DHX16: variants seen among roughly 807,000 people sequenced by gnomAD.
DHX16 encodes the protein pre-mRNA-splicing factor ATP-dependent RNA helicase DHX16.
A neutral mutation model predicts 131.2 loss-of-function variants in DHX16; 81 were observed. The ratio of observed to expected loss-of-function variants is 0.62; its 90% confidence interval spans 0.52 to 0.74. The LOEUF is 0.74. Ranked by LOEUF, DHX16 falls within the 30% of genes least tolerant of loss-of-function variation. The pLI is 0.00. For synonymous variants in DHX16, 440 were observed against 520.2 expected, an observed-to-expected ratio of 0.85 and a Z score of 2.10; for missense variants, 980 against 1,363.1, an observed-to-expected ratio of 0.72 and a Z score of 4.43.
intron 7 of DHX16, among the ~76,000 whole-genome samples, chr6:30,663,376 C>T (rs1242509055): frequency 6.6e-6 from 1 of 151,868 alleles, no homozygotes; most frequent in East Asian, 1.9e-4. Context: ...ATGGCTTGAG[C>T]TCAGGAGTTC....
chr6:30,671,387 G>GGCCCC lies in DHX16; in HGVS notation c.208-118_208-114dup, dbSNP rs1231197939. On this transcript the variant is annotated intron_variant, in intron 1 of 19. Coordinates refer to ENST00000376442, the MANE Select transcript of DHX16 (RefSeq NM_003587.5). ...TTAGTCTTTCCTGCCCCCGCGGCCC[G>GGCCCC]GCCCCACTGTCAGGCAATGGCGTGA... 1.2e-5 allele frequency: 12 copies of GGCCCC among 995,554 alleles called. No homozygotes were observed. The Admixed American group carries it at 2.7e-4, about 22-fold the overall frequency. The allele number at this position is 995,554 out of a possible 1,614,324, so 61.7% of individuals were successfully genotyped here.
intron 4 of DHX16, among the ~76,000 whole-genome samples, chr6:30,668,773 T>TCAGGA (rs1769264720): frequency 1.3e-5 from 2 of 152,212 alleles, no homozygotes; most frequent in South Asian, 2.1e-4. Context: ...GATAAATTGG[T>TCAGGA]CAGGAGAGAC....
Position 30,672,912 on chromosome 6 carries a change from G to T in DHX16, c.-71C>A, listed in dbSNP as rs1769720420. 5.0e-6 allele frequency: 8 copies of T among 1,591,410 alleles called. No homozygotes were observed. The highest frequency in any genetic ancestry group is 6.8e-6 in the Non-Finnish European group (8 of 1,169,398). On this transcript the variant is annotated 5_prime_UTR_variant, in exon 1 of 20. Transcript: ENST00000376442. ...GCGCTCACTGCTGGGCCGGTCAGAG[G>T]CCTGGAGCCCTCGGCTGGAGCCTCA... is the stretch of plus-strand genomic sequence containing the variant.
At chr6:30,668,339 A>G (rs1157476152) in intron 4 of DHX16, among the ~76,000 whole-genome samples, 1 of 152,130 alleles carries the variant, frequency 6.6e-6, no homozygotes, top group Non-Finnish European at 1.5e-5. Context: ...ATGTGCTTAA[A>G]TATTTTTGTA....
Position 30,664,918 on chromosome 6 carries a change from C to T in DHX16, c.1200G>A (p.Pro400=), listed in dbSNP as rs1457821648. ...GGAGCTCCTCTCGAAATGGGAACAC[C>T]GGGAGGCTGCGGCGGACGGCCTGGA... The part of the protein sequence containing the change: ...ESIQAVRRSL[P]VFPFREELLA... The change falls in exon 7 of 20, where the codon CCG becomes CCA. Residue 400 remains proline (P), a synonymous_variant. Coordinates refer to ENST00000376442, the MANE Select transcript of DHX16 (RefSeq NM_003587.5). The T allele has an allele frequency of 3.7e-6, 6 of 1,613,688 alleles. No individual in the cohort carries two copies. The highest frequency in any genetic ancestry group is 2.2e-5 in the East Asian group (1 of 44,878).
At chr6:30,654,558 CAA>C in intron 19 of DHX16, 146 bp downstream of exon 19, 1 of 802,060 alleles carries the variant, frequency 1.2e-6, no homozygotes, top group Non-Finnish European at 1.8e-6. Flanking sequence ...TCAAAAAAAA[CAA>C]AAAAAAACAA....
At chr6:30,654,630 C>T (rs1767786249) in intron 19 of DHX16, 76 bp downstream of exon 19, 3 of 1,420,178 alleles carry the variant, frequency 2.1e-6, no homozygotes, top group Admixed American at 2.2e-5. Flanking sequence ...GCAACTTGAA[C>T]CTGGGTTCTT....
In DHX16 at chr6:30,656,155, G is replaced by C. The variant is rs1383101307; in HGVS notation, c.2498+43C>G. ...GGACCCTGGAGACAGAGGAGGCCTG[G>C]CCTGTTTGTGTGCTGGGGGCCCAGG... On this transcript the variant is annotated intron_variant, in intron 16 of 19. Transcript: ENST00000376442. This position sits in a 1 kb window ranked among gnomAD's most constrained non-coding sequence, Gnocchi z 5.1. 2.5e-6 allele frequency: 4 copies of C among 1,590,370 alleles called. No individual in the cohort carries two copies. The highest frequency in any genetic ancestry group is 3.4e-6 in the Non-Finnish European group (4 of 1,162,324).
chr6:30,670,749 T>C lies in DHX16; in HGVS notation c.609+41A>G, dbSNP rs371084733. The C allele has an allele frequency of 1.1e-5, 17 of 1,610,158 alleles. No individual in the cohort carries two copies. The highest frequency in any genetic ancestry group is 4.0e-5 in the African/African-American group (3 of 74,912). On this transcript the variant is annotated intron_variant, in intron 3 of 19. Coordinates refer to ENST00000376442, the MANE Select transcript of DHX16 (RefSeq NM_003587.5). The surrounding 1 kb of genome is among the most constrained non-coding windows in gnomAD (Gnocchi z 4.4). ...TCACAGCCAACCTCAGATTTCACCC[T>C]GGGATCTTGGGGATTTACAGAACAT...
intron 4 of DHX16, among the ~76,000 whole-genome samples, chr6:30,666,152 T>G (rs1355647205): frequency 5.3e-5 from 8 of 152,220 alleles, no homozygotes; most frequent in East Asian, 1.9e-4. Flanking sequence ...TAGAAACCAG[T>G]GAGGGGGCCA....
chr6:30,670,320 G>T lies in DHX16; in HGVS notation c.666+90C>A. On this transcript the variant is annotated intron_variant, in intron 4 of 19. Coordinates refer to ENST00000376442, the MANE Select transcript of DHX16 (RefSeq NM_003587.5). The surrounding 1 kb of genome is among the most constrained non-coding windows in gnomAD (Gnocchi z 4.4). ...ACCACCCCATCAGCATCCACACTGT[G>T]CTTCCTCTGTATCCTCTCTCCCTAT... is the stretch of plus-strand genomic sequence containing the variant. The T allele has an allele frequency of 7.5e-7, 1 of 1,337,996 alleles. No individual in the cohort carries two copies. The highest frequency in any genetic ancestry group is 1.0e-6 in the Non-Finnish European group (1 of 973,634). The allele number at this position is 1,337,996 out of a possible 1,614,324, so 82.9% of individuals were successfully genotyped here.
Position 30,656,904 on chromosome 6 carries a change from C to CTGTG in DHX16, c.2148+44_2148+47dup, listed in dbSNP as rs751104534. ...ACCCTGCTTCTGAGTTGGACCTTCTCTGTGGGCCAACTCCACCTCCCCCAC... is the reference window on the plus strand; with the variant it reads ...ACCCTGCTTCTGAGTTGGACCTTCTCTGTGTGTGGGCCAACTCCACCTCCCCCAC... On this transcript the variant is annotated intron_variant, in intron 13 of 19. Transcript: ENST00000376442. This position sits in a 1 kb window ranked among gnomAD's most constrained non-coding sequence, Gnocchi z 5.1. 1 of 1,596,530 alleles carries CTGTG rather than the reference C, an allele frequency of 6.3e-7. No individual in the cohort carries two copies. Among genetic ancestry groups the CTGTG allele is most frequent in the Non-Finnish European group, 8.5e-7 (1 of 1,170,652 alleles).
At chr6:30,671,014 T>C in intron 2 of DHX16, 22 bp downstream of exon 2, 1 of 1,612,990 alleles carries the variant, frequency 6.2e-7, no homozygotes. Flanking sequence ...CCCCATCCTC[T>C]CTCACCCTGC....
rs748038802 is a variant in DHX16, at chr6:30,653,232, C to A, written c.*10G>T. 1.6e-5 allele frequency: 26 copies of A among 1,611,520 alleles called. No individual in the cohort carries two copies. The highest frequency in any genetic ancestry group is 2.7e-5 in the African/African-American group (2 of 74,778). On this transcript the variant is annotated 3_prime_UTR_variant, in exon 20 of 20. Transcript: ENST00000376442. ...AGGAGCTGGTGTCAGGTTCTGTTTA[C>A]GTCCTTCTCTTACCCTAGCTCTTCT...
In DHX16 at chr6:30,672,912, G is replaced by A; in HGVS notation, c.-71C>T. ...GCGCTCACTGCTGGGCCGGTCAGAG[G>A]CCTGGAGCCCTCGGCTGGAGCCTCA... is the stretch of plus-strand genomic sequence containing the variant. On this transcript the variant is annotated 5_prime_UTR_variant, in exon 1 of 20. Coordinates refer to ENST00000376442, the MANE Select transcript of DHX16 (RefSeq NM_003587.5). 1 of 1,591,528 alleles carries A rather than the reference G, an allele frequency of 6.3e-7. No individual in the cohort carries two copies. Among genetic ancestry groups the A allele is most frequent in the Non-Finnish European group, 8.6e-7 (1 of 1,169,390 alleles).
rs148756992 is a variant in DHX16, at chr6:30,656,067, G to A, written c.2498+131C>T. 17 of 906,174 alleles carry A rather than the reference G, an allele frequency of 1.9e-5. No individual in the cohort carries two copies. The highest frequency in any genetic ancestry group is 6.6e-5 in the African/African-American group (4 of 60,728). The allele number at this position is 906,174 out of a possible 1,614,324, so 56.1% of individuals were successfully genotyped here. On this transcript the variant is annotated intron_variant, in intron 16 of 19. Transcript: ENST00000376442. The surrounding 1 kb of genome is among the most constrained non-coding windows in gnomAD (Gnocchi z 5.1). ...TGGGCCTCAAAAGGGGGCAATCAGA[G>A]TTATCTAATACTTTATTATGTGTTA... is the stretch of plus-strand genomic sequence containing the variant.
At position 30,670,131 on chromosome 6, in the gene DHX16, C is replaced by T. The variant is rs1470571677; in HGVS notation, c.666+279G>A. The stretch of plus-strand genomic sequence containing the variant: ...AGGACTCAGGAATAGGGAAAGCTCA[C>T]AATTTCATTCACTAATAGAGTATAT... On this transcript the variant is annotated intron_variant, in intron 4 of 19. Transcript: ENST00000376442. The surrounding 1 kb of genome is among the most constrained non-coding windows in gnomAD (Gnocchi z 4.4). Among the ~76,000 whole-genome samples, 6 of 152,268 alleles carry T rather than the reference C, an allele frequency of 3.9e-5. No individual in the cohort carries two copies. The East Asian group carries it at 9.6e-4, about 24-fold the overall frequency.
Position 30,665,168 on chromosome 6 carries a change from G to A in DHX16, c.1028C>T (p.Ala343Val), listed in dbSNP as rs1259440756. The A allele has an allele frequency of 3.7e-6, 6 of 1,612,908 alleles. No homozygotes were observed. Among genetic ancestry groups the A allele is most frequent in the Non-Finnish European group, 5.1e-6 (6 of 1,179,900 alleles). ...RLGAASLKFGARDAASQEPKY... is the reference protein window; with the variant it reads ...RLGAASLKFGVRDAASQEPKY... The stretch of plus-strand genomic sequence containing the variant: ...GGGCTCCTGAGAGGCAGCATCTCGG[G>A]CCCCAAACTTCAGGGACGCTGCCCC... The change falls in exon 6 of 20, where the codon GCC becomes GTC. Residue 343 changes from alanine to valine, a missense_variant. Ala to Val is a moderately conservative substitution (Grantham distance 64, BLOSUM62 0). This residue lies in a region of DHX16 where 457 missense variants were observed against 554.8 expected (regional missense o/e 0.82). Coordinates refer to ENST00000376442, the MANE Select transcript of DHX16 (RefSeq NM_003587.5). This position sits in a 1 kb window ranked among gnomAD's most constrained non-coding sequence, Gnocchi z 4.8.
In DHX16 at chr6:30,664,991, T is replaced by C; in HGVS notation, c.1127A>G (p.Glu376Gly). The change falls in exon 7 of 20, where the codon GAG becomes GGG. Residue 376 changes from glutamate (E) to glycine (G), a missense_variant and splice_region_variant. Glu to Gly is a moderately conservative substitution (Grantham distance 98). Coordinates refer to ENST00000376442, the MANE Select transcript of DHX16 (RefSeq NM_003587.5). ...AGTTGAAGTGGGTGGAGCTGACGGC[T>C]CCTAAGGAAAGAGAAGGAGGTGTGA... ...VRATQLQGDE[E>G]PSAPPTSTQA... The C allele has an allele frequency of 1.9e-6, 3 of 1,613,818 alleles. No individual in the cohort carries two copies. The South Asian group carries it at 3.3e-5, about 18-fold the overall frequency.
Sources: gnomAD v4.1 joint callset for allele counts (sites outside exome capture counted in the v4.1 genomes callset) on GRCh38, gnomAD v4.1.1 for gene constraint, gnomAD v4.1.1 regional missense constraint, Gnocchi (gnomAD v3.1) non-coding constraint, MANE v1.5 for transcripts, NCBI Gene and HGNC (gene_info 2026-07-23, HGNC 2026-07-21) for gene names.